PNLIPRP3: variants seen among roughly 807,000 people sequenced by gnomAD.
The protein encoded by PNLIPRP3 is pancreatic lipase-related protein 3.
PNLIPRP3 carries 58 observed loss-of-function variants against 52.8 expected under a neutral mutation model. That is an observed-to-expected ratio of 1.10 (90% CI 0.89 to 1.37). The LOEUF is 1.37. Ranked by LOEUF, PNLIPRP3 falls within the 40% of genes most tolerant of loss-of-function variation. The pLI, the probability that PNLIPRP3 is intolerant of heterozygous loss-of-function variation, is 0.00. For synonymous variants in PNLIPRP3, 192 were observed against 185.0 expected, an observed-to-expected ratio of 1.04 and a Z score of -0.31; for missense variants, 593 against 561.6, an observed-to-expected ratio of 1.06 and a Z score of -0.57.
chr10:116,443,834 T>TATAC (rs1845901394), intron 3 of PNLIPRP3, among the ~76,000 whole-genome samples: 1 of 110,124 alleles, frequency 9.1e-6, no homozygotes, highest in African/African-American at 3.2e-5. Context: ...TATATATATA[T>TATAC]ATATATATAT....
At chr10:116,449,573 G>C (rs1485936375) in intron 4 of PNLIPRP3, among the ~76,000 whole-genome samples, 2 of 152,078 alleles carry the variant, frequency 1.3e-5, no homozygotes, top group Non-Finnish European at 2.9e-5. Flanking sequence ...CAACACCAGA[G>C]TACCTAAATA....
At chr10:116,435,425 A>C (rs1292196985) in intron 1 of PNLIPRP3, among the ~76,000 whole-genome samples, 1 of 139,902 alleles carries the variant, frequency 7.1e-6, no homozygotes. Flanking sequence ...TAAATTTATA[A>C]TAGAAGCCAA....
At chr10:116,444,713 G>C (rs1183426577) in intron 4 of PNLIPRP3, among the ~76,000 whole-genome samples, 200 bp downstream of exon 4, 1 of 152,156 alleles carries the variant, frequency 6.6e-6, no homozygotes, top group African/African-American at 2.4e-5. Flanking sequence ...AGCACCACTA[G>C]GTGGCAGTGT....
intron 5 of PNLIPRP3, among the ~76,000 whole-genome samples, chr10:116,458,506 T>C (rs1201950414): frequency 1.3e-5 from 2 of 151,728 alleles, no homozygotes; most frequent in Non-Finnish European, 2.9e-5. Context: ...AGATCTGAGG[T>C]ATACCTATCT....
Position 116,469,250 on chromosome 10 carries a change from C to A in PNLIPRP3, c.993C>A (p.His331Gln). 1 of 1,612,290 alleles carries A rather than the reference C, an allele frequency of 6.2e-7. No individual in the cohort carries two copies. Reference sequence around the variant, plus strand: ...TGGGTCATTTTGCTGATAGATTTCACTTCAAAAATATGAAGACTAATGGAT... The same window carrying A: ...TGGGTCATTTTGCTGATAGATTTCAATTCAAAAATATGAAGACTAATGGAT... ...PTMGHFADRF[H>Q]FKNMKTNGSH... The change falls in exon 9 of 12, where the codon CAC becomes CAA. Residue 331 changes from histidine to glutamine, a missense_variant. Transcript: ENST00000369230.
intron 2 of PNLIPRP3, among the ~76,000 whole-genome samples, chr10:116,437,578 C>G (rs1041176226): frequency 6.6e-6 from 1 of 152,114 alleles, no homozygotes; most frequent in Non-Finnish European, 1.5e-5. Flanking sequence ...TTGTATAGTT[C>G]CTTCCTGTGG....
intron 4 of PNLIPRP3, among the ~76,000 whole-genome samples, chr10:116,450,288 A>C (rs865825692): frequency 3.9e-5 from 6 of 152,150 alleles, no homozygotes; most frequent in Non-Finnish European, 7.3e-5. Context: ...TTATGCATGG[A>C]CCTTATTTTT....
intron 5 of PNLIPRP3, among the ~76,000 whole-genome samples, chr10:116,457,864 G>T (rs1294579262): frequency 1.3e-5 from 2 of 152,092 alleles, no homozygotes; most frequent in African/African-American, 4.8e-5. Context: ...GAATTATCCT[G>T]CTGGGTAAAT....
At chr10:116,467,034 C>T (rs1228763089) in intron 8 of PNLIPRP3, among the ~76,000 whole-genome samples, 1 of 152,160 alleles carries the variant, frequency 6.6e-6, no homozygotes, top group Non-Finnish European at 1.5e-5. Flanking sequence ...TCTGAGCACC[C>T]ACGGGATCCT....
At chr10:116,438,511 A>G (rs1845809770) in intron 2 of PNLIPRP3, among the ~76,000 whole-genome samples, 4 of 151,878 alleles carry the variant, frequency 2.6e-5, no homozygotes, top group Admixed American at 2.6e-4. Context: ...TGTACACACT[A>G]CTCTTTACTG....
intron 8 of PNLIPRP3, 96 bp downstream of exon 8, chr10:116,466,264 A>G: frequency 1.2e-6 from 1 of 818,104 alleles, no homozygotes; most frequent in Non-Finnish European, 1.9e-6. Context: ...GGTAGCAAAA[A>G]AAATGCACCT....
At chr10:116,444,948 C>T (rs1845922560) in intron 4 of PNLIPRP3, among the ~76,000 whole-genome samples, 1 of 152,206 alleles carries the variant, frequency 6.6e-6, no homozygotes, top group African/African-American at 2.4e-5. Context: ...CCAGACACAA[C>T]TATTTAACAC....
chr10:116,453,203 G>C (rs1846063727), intron 4 of PNLIPRP3, among the ~76,000 whole-genome samples: 1 of 152,044 alleles, frequency 6.6e-6, no homozygotes, highest in Non-Finnish European at 1.5e-5. Flanking sequence ...ATTTGCATGG[G>C]GCCTATTACC....
chr10:116,436,647 T>G (rs1032482562), intron 1 of PNLIPRP3, 64 bp from the exon 2 acceptor site: 84 of 1,423,676 alleles, frequency 5.9e-5, no homozygotes, highest in Non-Finnish European at 7.8e-5. Context: ...TAACTCATAG[T>G]GAGAAACACA....
At chr10:116,440,387 C>T (rs1457723705) in intron 2 of PNLIPRP3, among the ~76,000 whole-genome samples, 2 of 152,074 alleles carry the variant, frequency 1.3e-5, no homozygotes, top group Admixed American at 1.3e-4. Flanking sequence ...TCACACCTTC[C>T]CCACTTCCCT....
intron 10 of PNLIPRP3, 51 bp from the exon 11 acceptor site, chr10:116,476,601 C>T (rs966265890): frequency 2.9e-6 from 4 of 1,402,676 alleles, no homozygotes; most frequent in Non-Finnish European, 3.8e-6. Context: ...TTCTTTCATT[C>T]AGTGCTGTGA....
chr10:116,440,776 T>C (rs1203345691), intron 2 of PNLIPRP3, among the ~76,000 whole-genome samples: 2 of 152,188 alleles, frequency 1.3e-5, no homozygotes, highest in African/African-American at 2.4e-5. Context: ...TAGAGTGACT[T>C]ATACAGTCAC....
intron 8 of PNLIPRP3, among the ~76,000 whole-genome samples, chr10:116,468,228 G>T (rs1308513744): frequency 6.8e-6 from 1 of 147,510 alleles, no homozygotes; most frequent in Middle Eastern, 3.4e-3. Context: ...GCATACAACA[G>T]AAGTGAAATT....
At chr10:116,436,170 G>A (rs774038911) in intron 1 of PNLIPRP3, among the ~76,000 whole-genome samples, 55 of 152,002 alleles carry the variant, frequency 3.6e-4, no homozygotes, top group Non-Finnish European at 6.2e-4. Context: ...GAACCCTTAC[G>A]CCATATACAA....
Sources: allele counts gnomAD v4.1 joint callset (sites outside exome capture counted in the v4.1 genomes callset), GRCh38; gene constraint gnomAD v4.1.1; transcripts MANE v1.5; gene names NCBI Gene and HGNC (gene_info 2026-07-23, HGNC 2026-07-21).